Variants in TUSC3 observed in about 807,000 individuals in gnomAD.
TUSC3 encodes the protein tumor suppressor candidate 3, also known as dolichyl-diphosphooligosaccharide--protein glycosyltransferase subunit TUSC3.
Under a neutral mutation model 44.8 loss-of-function variants are expected in TUSC3, and 45 were observed. The ratio of observed to expected loss-of-function variants is 1.00; its 90% CI spans 0.79 to 1.29. The LOEUF is 1.29. Among genes scored for constraint, TUSC3 ranks in the 50% most tolerant of loss-of-function variants. The pLI is 0.00. For missense variants in TUSC3, 519 were observed against 437.9 expected (o/e 1.19, Z -1.65); for synonymous variants, 212 against 152.9 (o/e 1.39, Z -2.85).
At chr8:15,838,398 G>A in the TUSC3 span, among the ~76,000 whole-genome samples, 10 of 152,150 alleles carry the variant, frequency 6.6e-5, no homozygotes, top group African/African-American at 2.4e-4. Context: ...ATAATGCCAG[G>A]ATAGCTCAGT....
chr8:15,732,565 G>C (rs1189303597), intron 7 of TUSC3, among the ~76,000 whole-genome samples: 1 of 149,956 alleles, frequency 6.7e-6, no homozygotes, highest in Non-Finnish European at 1.5e-5. Context: ...AGATGACCAG[G>C]AAAAAAAAAA....
the TUSC3 span, among the ~76,000 whole-genome samples, chr8:15,851,415 G>A: frequency 1.1e-4 from 17 of 152,080 alleles, no homozygotes; most frequent in African/African-American, 4.1e-4. Context: ...AATATTTATT[G>A]AGCAACTTAC....
chr8:15,448,310 G>A (rs921325935), intron 1 of TUSC3, among the ~76,000 whole-genome samples: 2 of 151,516 alleles, frequency 1.3e-5, no homozygotes, highest in Non-Finnish European at 2.9e-5. Flanking sequence ...GTAGAGATGA[G>A]GTTTCACCAC....
chr8:15,839,897 A>G, the TUSC3 span, among the ~76,000 whole-genome samples: 1 of 152,226 alleles, frequency 6.6e-6, no homozygotes, highest in African/African-American at 2.4e-5. Flanking sequence ...AAAGGGTTAT[A>G]AATCGTGCTG....
chr8:15,478,828 C>T (rs1270774411), intron 1 of TUSC3, among the ~76,000 whole-genome samples: 2 of 152,036 alleles, frequency 1.3e-5, no homozygotes, highest in East Asian at 3.9e-4. Context: ...AATGGTATTT[C>T]TGTTTCTAGG....
the TUSC3 span, among the ~76,000 whole-genome samples, chr8:15,774,924 A>C: frequency 6.6e-6 from 1 of 152,150 alleles, no homozygotes; most frequent in Admixed American, 6.5e-5. Flanking sequence ...GTAGTTCTTT[A>C]ATGAATTAAA....
chr8:15,435,316 T>C (rs941460279), intron 1 of TUSC3, among the ~76,000 whole-genome samples: 4 of 152,180 alleles, frequency 2.6e-5, no homozygotes, highest in Non-Finnish European at 4.4e-5. Context: ...ATGTGTCTTT[T>C]GGCTGCATAA....
chr8:15,673,004 C>T (rs1399516600), intron 5 of TUSC3, among the ~76,000 whole-genome samples: 2 of 151,894 alleles, frequency 1.3e-5, no homozygotes, highest in Admixed American at 1.3e-4. Flanking sequence ...TAAAGGAGTC[C>T]CAGTTCATTA....
At chr8:15,629,485 A>G (rs1805661887) in intron 2 of TUSC3, among the ~76,000 whole-genome samples, 1 of 152,012 alleles carries the variant, frequency 6.6e-6, no homozygotes, top group South Asian at 2.1e-4. Context: ...ATTTCTGAGT[A>G]ATAAATGAAG....
chr8:15,469,703 T>C (rs1317155154), intron 1 of TUSC3, among the ~76,000 whole-genome samples: 3 of 152,352 alleles, frequency 2.0e-5, no homozygotes, highest in East Asian at 1.9e-4. Flanking sequence ...CACAGATGTT[T>C]ATAGCAACTG....
intron 1 of TUSC3, among the ~76,000 whole-genome samples, chr8:15,464,826 A>G (rs1800393470): frequency 6.6e-6 from 1 of 152,102 alleles, no homozygotes; most frequent in African/African-American, 2.4e-5. Flanking sequence ...CATGGTCATG[A>G]CTGATAACTT....
chr8:15,604,341 ATTAT>A (rs1265528408), intron 1 of TUSC3, among the ~76,000 whole-genome samples: 2 of 151,658 alleles, frequency 1.3e-5, no homozygotes, highest in Non-Finnish European at 3.0e-5. Flanking sequence ...TAGTATTTTA[ATTAT>A]TTATGTTAGG....
downstream of TUSC3, among the ~76,000 whole-genome samples, chr8:15,769,084 C>A (rs1280732514): frequency 6.6e-6 from 1 of 151,900 alleles, no homozygotes; most frequent in African/African-American, 2.4e-5. Flanking sequence ...CTTTAAATTT[C>A]ATGTGGAACC....
chr8:15,739,225 C>T (rs1230830274), intron 7 of TUSC3, among the ~76,000 whole-genome samples: 1 of 152,086 alleles, frequency 6.6e-6, no homozygotes, highest in Non-Finnish European at 1.5e-5. Flanking sequence ...TGGACATTTA[C>T]ATTTTAATTT....
rs545247842 is a variant in TUSC3, at chr8:15,432,869, G to T, written n.91+15564G>T. Reference sequence around the variant, plus strand: ...TGTGTATTTCCTCTCTCCCAGGTCAGTTAGGGGCTGATAAAACCCCGGTAG... The same window carrying T: ...TGTGTATTTCCTCTCTCCCAGGTCATTTAGGGGCTGATAAAACCCCGGTAG... On this transcript the variant is annotated intron_variant and non_coding_transcript_variant, in intron 1 of 5. Transcript: ENST00000503191. Among the ~76,000 whole-genome samples, 9 of 152,250 alleles carry T rather than the reference G, an allele frequency of 5.9e-5. No homozygotes were observed. The South Asian group carries it at 1.2e-3, about 21-fold the overall frequency.
rs909681675 is a variant in TUSC3, at chr8:15,640,203, C to G, written c.309-10494C>G. On this transcript the variant is annotated intron_variant, in intron 2 of 10. Transcript: ENST00000503731. ...TGCAGAGGGCATCTACATGACCAACCTTCTTGGGCACTGAATCTGTAATGA... is the reference window on the plus strand; with the variant it reads ...TGCAGAGGGCATCTACATGACCAACGTTCTTGGGCACTGAATCTGTAATGA... Among the ~76,000 whole-genome samples the G allele has an allele frequency of 2.6e-5, 4 of 152,286 alleles. No individual in the cohort carries two copies. The East Asian group carries it at 7.7e-4, about 29-fold the overall frequency.
chr8:15,660,399 A>G (rs973042975), intron 4 of TUSC3, among the ~76,000 whole-genome samples: 4 of 152,038 alleles, frequency 2.6e-5, no homozygotes, highest in South Asian at 2.1e-4. Context: ...TAAAGTACAA[A>G]TATGAGTATA....
At position 15,428,224 on chromosome 8, in the gene TUSC3, G is replaced by T. The variant is rs143785644; in HGVS notation, n.91+10919G>T. Among the ~76,000 whole-genome samples, 101 of 148,948 alleles carry T rather than the reference G, an allele frequency of 6.8e-4. 1 individual carries two copies. In the East Asian group the frequency reaches 0.02, roughly 29 times the overall value. ...TATGAGTGAGAACATGTGGTGTTTG[G>T]TTTTTTGTCCTCACGATACTTCGCT... On this transcript the variant is annotated intron_variant and non_coding_transcript_variant, in intron 1 of 5. Coordinates refer to the TUSC3 transcript ENST00000503191.
At chr8:15,578,313 T>C (rs1466442059) in intron 1 of TUSC3, among the ~76,000 whole-genome samples, 32 of 124,836 alleles carry the variant, frequency 2.6e-4, no homozygotes, top group Non-Finnish European at 3.8e-4. Flanking sequence ...TGTTTCCTTC[T>C]CCTGCCTAAT....
Sources: gnomAD v4.1 joint callset for allele counts (sites outside exome capture counted in the v4.1 genomes callset) on GRCh38, gnomAD v4.1.1 for gene constraint, MANE v1.5 for transcripts, NCBI Gene and HGNC (gene_info 2026-07-23, HGNC 2026-07-21) for gene names.